Variants in DPP10 observed in about 807,000 individuals in gnomAD.
DPP10 encodes the protein inactive dipeptidyl peptidase 10.
In DPP10, 33 loss-of-function variants were observed where a neutral mutation model predicts 120.9. The observed-to-expected ratio is 0.27, with a 90% confidence interval of 0.21 to 0.37. The LOEUF (loss-of-function observed/expected upper bound fraction) is 0.37, where lower values mean the gene tolerates loss of function less well. Among genes scored for constraint, DPP10 ranks in the 10% least tolerant of loss-of-function variants. The pLI, the probability that DPP10 is intolerant of heterozygous loss-of-function variation, is 1.00. For missense variants in DPP10, 816 were observed against 942.8 expected, an observed-to-expected ratio of 0.87 and a Z score of 1.76; for synonymous variants, 337 against 326.1, an observed-to-expected ratio of 1.03 and a Z score of -0.36.
intron 5 of DPP10, among the ~76,000 whole-genome samples, chr2:115,565,082 G>T (rs1199222351): frequency 6.6e-6 from 1 of 152,124 alleles, no homozygotes; most frequent in Admixed American, 6.6e-5. Context: ...CAGAAGCAGA[G>T]AATTCTCTCC....
At chr2:115,665,175 A>G (rs1419022948) in intron 5 of DPP10, among the ~76,000 whole-genome samples, 1 of 152,196 alleles carries the variant, frequency 6.6e-6, no homozygotes, top group African/African-American at 2.4e-5. Flanking sequence ...AGTTGCCACT[A>G]GGTAATTAGT....
At chr2:115,043,201 A>G (rs1412216569) in intron 1 of DPP10, among the ~76,000 whole-genome samples, 1 of 152,208 alleles carries the variant, frequency 6.6e-6, no homozygotes, top group Non-Finnish European at 1.5e-5. Context: ...TATGATGTCA[A>G]TGTTTTTCTC....
intron 1 of DPP10, among the ~76,000 whole-genome samples, chr2:115,119,224 TAG>T (rs1332574649): frequency 1.3e-5 from 2 of 152,130 alleles, no homozygotes; most frequent in African/African-American, 4.8e-5. Flanking sequence ...CCCTTACCAG[TAG>T]AGTGTTCCAG....
intron 1 of DPP10, among the ~76,000 whole-genome samples, chr2:114,513,521 C>CA (rs10712243): frequency 0.012 from 906 of 74,880 alleles, 15 homozygotes; most frequent in East Asian, 0.064. Flanking sequence ...AACTCTACCT[C>CA]AAAAAAAAAA....
chr2:114,726,296 A>G (rs1022258843), intron 1 of DPP10, among the ~76,000 whole-genome samples: 4 of 151,828 alleles, frequency 2.6e-5, no homozygotes, highest in Non-Finnish European at 5.9e-5. Flanking sequence ...CTAGCCAGCC[A>G]TATGGTTCAG....
chr2:114,493,190 C>T (rs571826872), intron 1 of DPP10, among the ~76,000 whole-genome samples: 341 of 152,270 alleles, frequency 2.2e-3, no homozygotes, highest in African/African-American at 7.9e-3. Flanking sequence ...AGCAGATGAA[C>T]TCTGGGCACA....
chr2:114,914,419 A>T lies in DPP10; in HGVS notation c.61-394820A>T, dbSNP rs149708647. On this transcript the variant is annotated intron_variant, in intron 1 of 25. Coordinates refer to ENST00000410059, the MANE Select transcript of DPP10 (RefSeq NM_020868.6). ...GCCTATATTCAGCATCCTTAAAGATAAGAAATCCCAAACAAGAATTTTTTT... is the reference window on the plus strand; with the variant it reads ...GCCTATATTCAGCATCCTTAAAGATTAGAAATCCCAAACAAGAATTTTTTT... 1.7e-3 allele frequency among the ~76,000 whole-genome samples: 263 copies of T among 152,360 alleles called. 2 individuals are homozygous for T. Among genetic ancestry groups the T allele is most frequent in the African/African-American group, 6.0e-3 (251 of 41,604 alleles).
chr2:114,534,223 A>C (rs2104758710), intron 1 of DPP10, among the ~76,000 whole-genome samples: 1 of 152,254 alleles, frequency 6.6e-6, no homozygotes, highest in African/African-American at 2.4e-5. Context: ...GAGACTATGA[A>C]TCATAGCTTT....
At chr2:115,295,712 T>TG (rs1174726071) in intron 1 of DPP10, among the ~76,000 whole-genome samples, 2 of 152,102 alleles carry the variant, frequency 1.3e-5, no homozygotes, top group Non-Finnish European at 2.9e-5. Context: ...CTGCTTTTTT[T>TG]TCTTTTGGAG....
chr2:115,254,444 G>A (rs573669966), intron 1 of DPP10, among the ~76,000 whole-genome samples: 7 of 152,232 alleles, frequency 4.6e-5, no homozygotes, highest in South Asian at 2.1e-4. Flanking sequence ...TGGGGATATA[G>A]CCAAACCATA....
intron 19 of DPP10, among the ~76,000 whole-genome samples, chr2:115,801,719 A>C (rs1312688104): frequency 6.6e-6 from 1 of 152,112 alleles, no homozygotes; most frequent in Non-Finnish European, 1.5e-5. Context: ...GGTTCTGTTT[A>C]TATGCTGGAT....
rs1245831344 is a variant in DPP10, at chr2:115,114,365, C to A, written c.61-194874C>A. 2.6e-5 allele frequency among the ~76,000 whole-genome samples: 4 copies of A among 152,268 alleles called. No homozygotes were observed. The East Asian group carries it at 7.7e-4, about 29-fold the overall frequency. On this transcript the variant is annotated intron_variant, in intron 1 of 25. Transcript: ENST00000410059. ...GAAAAAGAGAAAGTATATGAGCATG[C>A]ATTTGATTTAATAAAAGTCTCACTC...
chr2:115,714,642 G>T (rs1438833513), intron 7 of DPP10, among the ~76,000 whole-genome samples: 1 of 152,010 alleles, frequency 6.6e-6, no homozygotes, highest in African/African-American at 2.4e-5. Context: ...TTTCCTTTGG[G>T]TTCTTTCTAT....
chr2:115,661,031 A>T (rs966160926), intron 5 of DPP10, among the ~76,000 whole-genome samples: 2 of 151,928 alleles, frequency 1.3e-5, no homozygotes, highest in African/African-American at 4.8e-5. Flanking sequence ...GCTCACTGCA[A>T]ACTCTGCCTC....
intron 1 of DPP10, among the ~76,000 whole-genome samples, chr2:114,742,408 C>T (rs556971768): frequency 5.9e-5 from 9 of 152,244 alleles, no homozygotes; most frequent in East Asian, 3.9e-4. Context: ...AGCAATGGCA[C>T]GTAGATAGTT....
intron 1 of DPP10, among the ~76,000 whole-genome samples, chr2:114,541,645 G>A (rs1038947145): frequency 1.3e-5 from 2 of 152,046 alleles, no homozygotes; most frequent in Non-Finnish European, 1.5e-5. Flanking sequence ...TGACTAACAG[G>A]GAAGAAATTA....
At chr2:114,497,739 G>T (rs1682804254) in intron 1 of DPP10, among the ~76,000 whole-genome samples, 1 of 152,142 alleles carries the variant, frequency 6.6e-6, no homozygotes, top group Non-Finnish European at 1.5e-5. Context: ...ATAGGATTCT[G>T]GCCAAGGTCT....
intron 3 of DPP10, among the ~76,000 whole-genome samples, chr2:115,375,101 T>C (rs1363878973): frequency 1.3e-5 from 2 of 152,220 alleles, no homozygotes; most frequent in Non-Finnish European, 2.9e-5. Context: ...AGGTCACAAA[T>C]TTCCCAAACT....
At chr2:114,464,805 A>G (rs1303514854) in intron 1 of DPP10, among the ~76,000 whole-genome samples, 1 of 152,144 alleles carries the variant, frequency 6.6e-6, no homozygotes, top group Admixed American at 6.5e-5. Context: ...GCAGAGATTG[A>G]CGTGAGCCGA....
Sources: allele counts gnomAD v4.1 joint callset (sites outside exome capture counted in the v4.1 genomes callset), GRCh38; gene constraint gnomAD v4.1.1; transcripts MANE v1.5; gene names NCBI Gene and HGNC (gene_info 2026-07-23, HGNC 2026-07-21).